FBXO24: variants seen among roughly 807,000 people sequenced by gnomAD.
FBXO24 encodes the protein F-box protein 24, also known as F-box only protein 24.
A neutral mutation model predicts 63.5 loss-of-function variants in FBXO24; 30 were observed. The ratio of observed to expected loss-of-function variants is 0.47; its 90% CI spans 0.35 to 0.64. The LOEUF is 0.64. FBXO24 is among the 30% of genes least tolerant of loss of function. FBXO24 has a pLI of 0.00. For synonymous variants in FBXO24, 300 were observed against 305.0 expected, an observed-to-expected ratio of 0.98 and a Z score of 0.17; for missense variants, 624 against 763.4, an observed-to-expected ratio of 0.82 and a Z score of 2.15.
Position 100,591,702 on chromosome 7 carries a change from C to T in FBXO24, c.358C>T (p.Arg120Cys), listed in dbSNP as rs199618909. The change falls in exon 4 of 10, where the codon CGC becomes TGC. Residue 120 changes from arginine to cysteine, a missense_variant. Coordinates refer to ENST00000241071, the MANE Select transcript of FBXO24 (RefSeq NM_033506.3). ...KGLYFQAFGG[R>C]RRCLSKSVAP... The stretch of plus-strand genomic sequence containing the variant: ...CCTGTATTTCCAGGCATTTGGAGGC[C>T]GCCGCCGATGTCTCAGCAAGAGCGT... 368 of 1,614,166 alleles carry T rather than the reference C, an allele frequency of 2.3e-4. 1 individual carries two copies. Among genetic ancestry groups the T allele is most frequent in the Non-Finnish European group, 6.4e-5 (75 of 1,180,028 alleles).
Position 100,586,470 on chromosome 7 carries a change from C to T in FBXO24, c.-156C>T. 1 of 772,842 alleles carries T rather than the reference C, an allele frequency of 1.3e-6. No homozygotes were observed. The highest frequency in any genetic ancestry group is 2.2e-6 in the Non-Finnish European group (1 of 459,562). 47.9% of individuals were successfully genotyped at this position (772,842 alleles called of 1,614,324 possible). On this transcript the variant is annotated 5_prime_UTR_variant, in exon 1 of 10. Coordinates refer to ENST00000241071, the MANE Select transcript of FBXO24 (RefSeq NM_033506.3). ...GGCACTCCACTAGCAGGAAAACGGG[C>T]CGAGGGACCGCAAGCAGGGGGTGCC...
At chr7:100,596,791 C>G (rs1341323620) in intron 8 of FBXO24, among the ~76,000 whole-genome samples, 1 of 152,086 alleles carries the variant, frequency 6.6e-6, no homozygotes, top group Non-Finnish European at 1.5e-5. Context: ...ACCTGTAATC[C>G]CAGCACTTTG....
chr7:100,589,533 G>T, intron 1 of FBXO24: 1 of 1,396,040 alleles, frequency 7.2e-7, no homozygotes, highest in Non-Finnish European at 9.3e-7. Context: ...ACAGGTCACA[G>T]TGGCCAAACA....
At chr7:100,586,687 A>T (rs374046787) in intron 1 of FBXO24, 23 bp downstream of exon 1, 6 of 1,613,836 alleles carry the variant, frequency 3.7e-6, no homozygotes, top group Non-Finnish European at 5.1e-6. Flanking sequence ...TTTAAGACTG[A>T]GGTTAAGAAT....
At chr7:100,599,457 C>T (rs2131280202) in intron 8 of FBXO24, among the ~76,000 whole-genome samples, 1 of 151,428 alleles carries the variant, frequency 6.6e-6, no homozygotes, top group South Asian at 2.1e-4. Flanking sequence ...ACCTGTAGTC[C>T]TAGCTACTTG....
At position 100,592,788 on chromosome 7, in the gene FBXO24, C is replaced by T; in HGVS notation, c.564C>T (p.Ala188=). 6.2e-7 allele frequency: 1 copy of T among 1,613,570 alleles called. No homozygotes were observed. The highest frequency in any genetic ancestry group is 8.5e-7 in the Non-Finnish European group (1 of 1,179,676). ...GCCCTCATCTTTTCCCCCAGTTTGC[C>T]TCGGACCCAAGGTGTGACACAGTTT... is the stretch of plus-strand genomic sequence containing the variant. The part of the protein sequence containing the change: ...VVLCRGAKDF[A]SDPRCDTVYR... Residue 188 remains alanine, a synonymous_variant, in exon 5 of 10, where the codon GCC becomes GCT. Coordinates refer to ENST00000241071, the MANE Select transcript of FBXO24 (RefSeq NM_033506.3).
At chr7:100,588,694 A>G (rs886463319) in intron 1 of FBXO24, among the ~76,000 whole-genome samples, 1 of 152,198 alleles carries the variant, frequency 6.6e-6, no homozygotes, top group African/African-American at 2.4e-5. Flanking sequence ...CACATAAGAC[A>G]AAGCTAATAT....
chr7:100,596,603 C>T (rs1562820959), intron 8 of FBXO24, among the ~76,000 whole-genome samples: 2 of 151,974 alleles, frequency 1.3e-5, no homozygotes, highest in South Asian at 2.1e-4. Context: ...GAGGGGAGCC[C>T]GCCAGGAGGC....
chr7:100,592,817 G>A lies in FBXO24; in HGVS notation c.593G>A (p.Arg198His), dbSNP rs578251894. The change falls in exon 5 of 10, where the codon CGT becomes CAT. Residue 198 changes from arginine (R) to histidine (H), a missense_variant. Physicochemically the swap from Arg to His is conservative, Grantham distance 29 (BLOSUM62 0). Transcript: ENST00000241071. ...GACCCAAGGTGTGACACAGTTTACC[G>A]TAAATACCTCTACGTCTTGGCCACT... Reference protein sequence around the residue: ...ASDPRCDTVYRKYLYVLATRE... With the variant: ...ASDPRCDTVYHKYLYVLATRE... The A allele has an allele frequency of 1.4e-5, 22 of 1,614,092 alleles. No homozygotes were observed. The highest frequency in any genetic ancestry group is 4.4e-5 in the South Asian group (4 of 91,074).
chr7:100,594,300 C>T lies in FBXO24; in HGVS notation c.794-83C>T. ...ACTCTAGGGCAGTAAATGTGTCACC[C>T]ATATGGCCTAGGGAGTCTCTTGGGA... On this transcript the variant is annotated intron_variant, in intron 5 of 9. Coordinates refer to ENST00000241071, the MANE Select transcript of FBXO24 (RefSeq NM_033506.3). The surrounding 1 kb of genome is among the most constrained non-coding windows in gnomAD (Gnocchi z 4.2). The T allele has an allele frequency of 6.7e-7, 1 of 1,488,460 alleles. No individual in the cohort carries two copies. The allele number at this position is 1,488,460 out of a possible 1,614,324, so 92.2% of individuals were successfully genotyped here. A position where few individuals can be genotyped will look rare whatever the true frequency, so the allele number is the denominator to read the frequency against.
chr7:100,595,739 C>A, intron 8 of FBXO24, 33 bp downstream of exon 8: 1 of 1,543,994 alleles, frequency 6.5e-7, no homozygotes, highest in South Asian at 1.2e-5. Flanking sequence ...CTCATCCCAA[C>A]CCCTTTCCTC....
intron 5 of FBXO24, among the ~76,000 whole-genome samples, chr7:100,593,626 C>CAAAA (rs769155612): frequency 3.4e-5 from 2 of 58,992 alleles, no homozygotes; most frequent in East Asian, 4.9e-4. Context: ...GACTCCGTCT[C>CAAAA]AAAAAAAAAA....
chr7:100,593,165 C>G (rs922688155), intron 5 of FBXO24, 148 bp downstream of exon 5: 2 of 629,208 alleles, frequency 3.2e-6, no homozygotes, highest in Non-Finnish European at 5.6e-6. Flanking sequence ...CCTTCTCTGT[C>G]TCCTAGTCTA....
intron 8 of FBXO24, 112 bp from the exon 9 acceptor site, chr7:100,599,919 T>C: frequency 7.9e-7 from 1 of 1,265,186 alleles, no homozygotes; most frequent in South Asian, 1.4e-5. Flanking sequence ...CTGGCTCCCA[T>C]TTCCTCCTCC....
chr7:100,600,495 G>A lies in FBXO24; in HGVS notation c.1378-39G>A, dbSNP rs977682889. On this transcript the variant is annotated intron_variant, in intron 9 of 9. Coordinates refer to ENST00000241071, the MANE Select transcript of FBXO24 (RefSeq NM_033506.3). The surrounding 1 kb of genome is among the most constrained non-coding windows in gnomAD (Gnocchi z 6.3). ...CACCCTGGGAAACCCTGCAAGGAAA[G>A]CACCACTCAGCCATGCCCCCTTTCT... 2.2e-5 allele frequency: 33 copies of A among 1,522,878 alleles called. No homozygotes were observed. The highest frequency in any genetic ancestry group is 2.9e-5 in the Non-Finnish European group (33 of 1,136,782). The allele number at this position is 1,522,878 out of a possible 1,614,324, so 94.3% of individuals were successfully genotyped here.
chr7:100,587,737 C>T (rs1801824976), intron 1 of FBXO24, among the ~76,000 whole-genome samples: 1 of 151,282 alleles, frequency 6.6e-6, no homozygotes, highest in Non-Finnish European at 1.5e-5. Context: ...GTAGCTGGGA[C>T]CACGGGCGGC....
In FBXO24 at chr7:100,594,844, A is replaced by G. The variant is rs576822871; in HGVS notation, c.953-258A>G. 1.7e-3 allele frequency among the ~76,000 whole-genome samples: 255 copies of G among 152,246 alleles called. No individual in the cohort carries two copies. Among genetic ancestry groups the G allele is most frequent in the African/African-American group, 5.7e-3 (235 of 41,534 alleles). On this transcript the variant is annotated intron_variant, in intron 6 of 9. Coordinates refer to ENST00000241071, the MANE Select transcript of FBXO24 (RefSeq NM_033506.3). This position sits in a 1 kb window ranked among gnomAD's most constrained non-coding sequence, Gnocchi z 4.2. ...AGGCGCCTGTAATCCCAGCTACACC[A>G]GAGGCCGAGACAGGAGAATCACTTG... is the stretch of plus-strand genomic sequence containing the variant.
chr7:100,597,621 T>C (rs1802374564), intron 8 of FBXO24, among the ~76,000 whole-genome samples: 1 of 152,086 alleles, frequency 6.6e-6, no homozygotes, highest in Admixed American at 6.6e-5. Context: ...CTCAAACTCC[T>C]GACCTCAGGT....
chr7:100,592,010 T>A, intron 4 of FBXO24, 108 bp downstream of exon 4: 1 of 1,125,026 alleles, frequency 8.9e-7, no homozygotes, highest in Non-Finnish European at 1.3e-6. Flanking sequence ...CCTGTAATCC[T>A]AGCACTTTGG....
Sources: allele counts gnomAD v4.1 joint callset (sites outside exome capture counted in the v4.1 genomes callset), GRCh38; gene constraint gnomAD v4.1.1; non-coding constraint Gnocchi (gnomAD v3.1); transcripts MANE v1.5; gene names NCBI Gene and HGNC (gene_info 2026-07-23, HGNC 2026-07-21).